Variants in ADAMTS14 observed in about 807,000 individuals in gnomAD.
ADAMTS14 encodes A disintegrin and metalloproteinase with thrombospondin motifs 14.
ADAMTS14 carries 100 observed loss-of-function variants against 128.6 expected under a neutral mutation model. The ratio of observed to expected loss-of-function variants is 0.78; its 90% CI spans 0.66 to 0.92. The LOEUF (loss-of-function observed/expected upper bound fraction) is 0.92. Among genes scored for constraint, ADAMTS14 ranks in the 40% least tolerant of loss-of-function variants. The probability of loss-of-function intolerance (pLI) is 0.00; values close to 1 mark genes in which losing one functional copy is unlikely to be tolerated. For synonymous variants in ADAMTS14, 665 were observed against 653.8 expected (o/e 1.02, Z -0.26); for missense variants, 1,562 against 1,658.6 (o/e 0.94, Z 1.01).
chr10:70,683,571 C>T (rs1589258937), intron 2 of ADAMTS14, among the ~76,000 whole-genome samples: 2 of 152,286 alleles, frequency 1.3e-5, no homozygotes, highest in South Asian at 4.1e-4. Flanking sequence ...CACAGGCTCT[C>T]CTGGGGAAAT....
In ADAMTS14 at chr10:70,743,594, C is replaced by T. The variant is rs144256122; in HGVS notation, c.1971C>T (p.Asp657=). Residue 657 remains aspartate, a synonymous_variant, in exon 13 of 22, where the codon GAC becomes GAT. Transcript: ENST00000373207. ...ELICQSADTG[D]VVFMNQVVHD... is the part of the protein sequence containing the mutation. Reference sequence around the variant, plus strand: ...TCTGCCAGTCGGCGGACACGGGGGACGTGGTGTTCATGAACCAGGTGGTTC... The same window carrying T: ...TCTGCCAGTCGGCGGACACGGGGGATGTGGTGTTCATGAACCAGGTGGTTC... 298 of 1,612,876 alleles carry T rather than the reference C, an allele frequency of 1.8e-4. No individual in the cohort carries two copies. Among genetic ancestry groups the T allele is most frequent in the Non-Finnish European group, 2.3e-4 (277 of 1,179,748 alleles).
At chr10:70,699,925 T>A (rs1840444531) in intron 2 of ADAMTS14, among the ~76,000 whole-genome samples, 1 of 152,046 alleles carries the variant, frequency 6.6e-6, no homozygotes, top group Non-Finnish European at 1.5e-5. Context: ...CAGGTTTGTG[T>A]GCCTGTAGCC....
At chr10:70,682,432 C>T (rs1839838206) in intron 2 of ADAMTS14, among the ~76,000 whole-genome samples, 1 of 152,176 alleles carries the variant, frequency 6.6e-6, no homozygotes, top group Admixed American at 6.5e-5. Flanking sequence ...GCAGCATGTG[C>T]TGGGGGGTGA....
In ADAMTS14 at chr10:70,674,654, G is replaced by T. The variant is rs1351477859; in HGVS notation, c.181G>T (p.Ala61Ser). Residue 61 changes from alanine to serine, a missense_variant, in exon 2 of 22, where the codon GCA (alanine) becomes TCA (serine). Ala to Ser is a moderately conservative substitution (Grantham distance 99, BLOSUM62 1). Transcript: ENST00000373207. ...RFLSHVVSGP[A>S]AASAGSMVVD... ...CCTCTCCCACGTGGTGTCTGGCCCA[G>T]CAGCAGCCTCTGCAGGGAGCATGGT... 1.4e-5 allele frequency: 23 copies of T among 1,613,592 alleles called. No homozygotes were observed. Among genetic ancestry groups the T allele is most frequent in the Non-Finnish European group, 1.9e-5 (23 of 1,180,046 alleles).
chr10:70,736,727 C>A lies in ADAMTS14; in HGVS notation c.1533C>A (p.Asp511Glu), dbSNP rs771607010. Residue 511 changes from aspartate (D) to glutamate (E), a missense_variant, in exon 10 of 22, where the codon GAC becomes GAA. By Grantham distance (45) the Asp-to-Glu change is conservative (BLOSUM62 2). Coordinates refer to ENST00000373207, the MANE Select transcript of ADAMTS14 (RefSeq NM_080722.4). ...AGCAGCTGTGGTGCAGCCATCCTGA[C>A]AACCCGTACTTCTGCAAGACCAAGA... is the stretch of plus-strand genomic sequence containing the variant. Reference protein sequence around the residue: ...PCKQLWCSHPDNPYFCKTKKG... With the variant: ...PCKQLWCSHPENPYFCKTKKG... 4 of 1,613,904 alleles carry A rather than the reference C, an allele frequency of 2.5e-6. No homozygotes were observed. The South Asian group carries it at 4.4e-5, about 18-fold the overall frequency.
intron 1 of ADAMTS14, 132 bp from the exon 2 acceptor site, chr10:70,674,424 G>C: frequency 1.2e-6 from 1 of 854,602 alleles, no homozygotes; most frequent in African/African-American, 1.7e-5. Flanking sequence ...GAAAATGGGT[G>C]AACTCAGGCT....
At chr10:70,705,378 G>A (rs913651665) in intron 3 of ADAMTS14, among the ~76,000 whole-genome samples, 3 of 152,204 alleles carry the variant, frequency 2.0e-5, no homozygotes, top group Non-Finnish European at 4.4e-5. Context: ...CCTGCAGCCC[G>A]AGCTCGGGCT....
At position 70,714,318 on chromosome 10, in the gene ADAMTS14, T is replaced by C. The variant is rs141036434; in HGVS notation, c.870+5540T>C. Among the ~76,000 whole-genome samples the C allele has an allele frequency of 1.8e-3, 277 of 152,250 alleles. 1 individual carries two copies. The highest frequency in any genetic ancestry group is 6.8e-3 in the Middle Eastern group (2 of 294). On this transcript the variant is annotated intron_variant, in intron 4 of 21. Coordinates refer to ENST00000373207, the MANE Select transcript of ADAMTS14 (RefSeq NM_080722.4). ...AGTCTCCCCATAACCCTGTGAGAGGTCTGAGTAGCCTCAATGTCCTTACAT... is the reference window on the plus strand; with the variant it reads ...AGTCTCCCCATAACCCTGTGAGAGGCCTGAGTAGCCTCAATGTCCTTACAT...
chr10:70,724,725 C>T (rs1011074462), intron 4 of ADAMTS14, among the ~76,000 whole-genome samples: 5 of 151,976 alleles, frequency 3.3e-5, no homozygotes, highest in Non-Finnish European at 5.9e-5. Context: ...TGCAGATGAG[C>T]GTACCAGGGC....
In ADAMTS14 at chr10:70,692,656, A is replaced by T. The variant is rs115236126; in HGVS notation, c.523-9656A>T. 9.9e-3 allele frequency among the ~76,000 whole-genome samples: 1,509 copies of T among 152,328 alleles called. 32 individuals are homozygous for T. Among genetic ancestry groups the T allele is most frequent in the African/African-American group, 0.034 (1,432 of 41,558 alleles). ...CATAGAAAAGTTAGAAAATACCTAA[A>T]AGTTTAAAGAGAAAGAAATTGCCTA... On this transcript the variant is annotated intron_variant, in intron 2 of 21. Coordinates refer to ENST00000373207, the MANE Select transcript of ADAMTS14 (RefSeq NM_080722.4).
chr10:70,712,016 A>G (rs12777075), intron 4 of ADAMTS14, among the ~76,000 whole-genome samples: 40,035 of 151,850 alleles, frequency 0.26, 5,544 homozygotes, highest in Non-Finnish European at 0.3. Flanking sequence ...TTTTGGACAC[A>G]AAGGGCAAAG....
At chr10:70,672,934 G>A (rs1456515370) in intron 1 of ADAMTS14, 50 bp downstream of exon 1, 2 of 1,396,842 alleles carry the variant, frequency 1.4e-6, no homozygotes, top group Admixed American at 3.5e-5. Context: ...GGGTGCACGC[G>A]GTCAGGGTGG....
Position 70,708,772 on chromosome 10 carries a change from G to T in ADAMTS14, c.864G>T (p.Met288Ile). Reference sequence around the variant, plus strand: ...TGCAGAACTATGTCCTCACCCTCATGAATATCGTGAGTGTCCATGTGTCCT... The same window carrying T: ...TGCAGAACTATGTCCTCACCCTCATTAATATCGTGAGTGTCCATGTGTCCT... ...EHVQNYVLTL[M>I]NIVDEIYHDE... The change falls in exon 4 of 22, where the codon ATG (methionine) becomes ATT (isoleucine). Residue 288 changes from methionine to isoleucine, a missense_variant. Met to Ile is a conservative substitution (Grantham distance 10, BLOSUM62 1). Transcript: ENST00000373207. 1 of 1,352,054 alleles carries T rather than the reference G, an allele frequency of 7.4e-7. No homozygotes were observed. Among genetic ancestry groups the T allele is most frequent in the Non-Finnish European group, 9.9e-7 (1 of 1,011,314 alleles). 83.8% of individuals were successfully genotyped at this position (1,352,054 alleles called of 1,614,324 possible).
intron 19 of ADAMTS14, among the ~76,000 whole-genome samples, chr10:70,755,325 AAAAAAG>A (rs1842455535): frequency 6.6e-6 from 1 of 151,868 alleles, no homozygotes; most frequent in South Asian, 2.1e-4. Context: ...AAAAAAAAAA[AAAAAAG>A]AAAAGAAATA....
intron 8 of ADAMTS14, among the ~76,000 whole-genome samples, chr10:70,734,914 A>G (rs1037877434): frequency 6.6e-6 from 1 of 152,216 alleles, no homozygotes; most frequent in African/African-American, 2.4e-5. Context: ...CAAGCTGAGT[A>G]TCTAATCCCA....
chr10:70,725,626 C>G (rs1219720322), intron 4 of ADAMTS14, among the ~76,000 whole-genome samples: 1 of 152,074 alleles, frequency 6.6e-6, no homozygotes, highest in Non-Finnish European at 1.5e-5. Context: ...GACACTAATC[C>G]CATTCAGGAG....
In ADAMTS14 at chr10:70,690,002, C is replaced by T. The variant is rs961102042; in HGVS notation, c.523-12310C>T. 4.8e-5 allele frequency among the ~76,000 whole-genome samples: 7 copies of T among 144,944 alleles called. 3 individuals carry two copies. The highest frequency in any genetic ancestry group is 1.1e-4 in the Non-Finnish European group (7 of 63,500). ...ATGTCACATATTTCTAGTTATTTAT[C>T]GCCTGTCACCACCCTGCTGTAGAAT... On this transcript the variant is annotated intron_variant, in intron 2 of 21. Transcript: ENST00000373207.
At chr10:70,735,024 C>T (rs2132686361) in intron 8 of ADAMTS14, 145 bp from the exon 9 acceptor site, 1 of 1,051,496 alleles carries the variant, frequency 9.5e-7, no homozygotes, top group Non-Finnish European at 1.3e-6. Flanking sequence ...GGCAGCCCGT[C>T]CTCCCTGGAA....
chr10:70,675,920 G>A (rs544080034), intron 2 of ADAMTS14, among the ~76,000 whole-genome samples: 23 of 152,300 alleles, frequency 1.5e-4, no homozygotes, highest in African/African-American at 5.3e-4. Flanking sequence ...CTTTGAGAGC[G>A]AGAAAATTTG....
Sources: allele counts gnomAD v4.1 joint callset (sites outside exome capture counted in the v4.1 genomes callset), GRCh38; gene constraint gnomAD v4.1.1; transcripts MANE v1.5; gene names NCBI Gene and HGNC (gene_info 2026-07-23, HGNC 2026-07-21).